CHCHD3: variants seen among roughly 807,000 people sequenced by gnomAD.
The protein encoded by CHCHD3 is coiled-coil-helix-coiled-coil-helix domain containing 3, also known as MICOS complex subunit MIC19.
In CHCHD3, 20 loss-of-function variants were observed where a neutral mutation model predicts 38.2. The ratio of observed to expected loss-of-function variants is 0.52; its 90% CI spans 0.37 to 0.76. The LOEUF (loss-of-function observed/expected upper bound fraction) is 0.76, where lower values mean the gene tolerates loss of function less well. Among genes scored for constraint, CHCHD3 ranks in the 30% least tolerant of loss-of-function variants. CHCHD3 has a pLI of 0.00. For missense variants in CHCHD3, 245 were observed against 279.2 expected (o/e 0.88, Z 0.87); for synonymous variants, 82 against 100.0 (o/e 0.82, Z 1.07).
chr7:132,995,700 C>A (rs1213463351), intron 3 of CHCHD3, among the ~76,000 whole-genome samples: 1 of 152,188 alleles, frequency 6.6e-6, no homozygotes, highest in African/African-American at 2.4e-5. Context: ...AAGGTGTCTA[C>A]AATAACATAC....
At chr7:132,961,670 A>G (rs977056001) in intron 4 of CHCHD3, among the ~76,000 whole-genome samples, 6 of 152,250 alleles carry the variant, frequency 3.9e-5, no homozygotes, top group African/African-American at 1.4e-4. Flanking sequence ...TATACAATAG[A>G]GTATTATTAA....
intron 5 of CHCHD3, among the ~76,000 whole-genome samples, chr7:132,863,143 C>T (rs952717250): frequency 6.6e-6 from 1 of 152,172 alleles, no homozygotes; most frequent in Non-Finnish European, 1.5e-5. Flanking sequence ...TTTCCCAGAT[C>T]ATTCAAGAGA....
At chr7:133,028,237 C>A (rs1339847422) in intron 2 of CHCHD3, among the ~76,000 whole-genome samples, 1 of 152,190 alleles carries the variant, frequency 6.6e-6, no homozygotes, top group African/African-American at 2.4e-5. Context: ...CAGCAAGATA[C>A]TTCTCAGGCA....
intron 4 of CHCHD3, among the ~76,000 whole-genome samples, chr7:132,911,984 C>T (rs1300019213): frequency 6.6e-6 from 1 of 152,160 alleles, no homozygotes; most frequent in Non-Finnish European, 1.5e-5. Context: ...TCTTTAGGTT[C>T]CCTTACCTTT....
At chr7:133,073,714 C>T (rs571079024) in intron 1 of CHCHD3, among the ~76,000 whole-genome samples, 11 of 152,160 alleles carry the variant, frequency 7.2e-5, no homozygotes, top group Non-Finnish European at 1.5e-4. Context: ...ATTCCTGTAC[C>T]ATCCGCTTAA....
chr7:132,927,587 T>C (rs1710176814), intron 4 of CHCHD3, among the ~76,000 whole-genome samples: 1 of 152,230 alleles, frequency 6.6e-6, no homozygotes, highest in Non-Finnish European at 1.5e-5. Flanking sequence ...CTAAAGCATG[T>C]GTTATTTTTC....
chr7:132,916,835 C>G (rs932211029), intron 4 of CHCHD3, among the ~76,000 whole-genome samples: 1 of 152,164 alleles, frequency 6.6e-6, no homozygotes, highest in Non-Finnish European at 1.5e-5. Context: ...CCCACCTCAG[C>G]CTCCCAAAGT....
At chr7:132,808,413 T>C (rs1375554413) in intron 6 of CHCHD3, among the ~76,000 whole-genome samples, 2 of 152,240 alleles carry the variant, frequency 1.3e-5, no homozygotes, top group African/African-American at 2.4e-5. Flanking sequence ...TTTCTTTCTT[T>C]AGAGGTACTC....
At chr7:132,947,859 C>G (rs905777012) in intron 4 of CHCHD3, among the ~76,000 whole-genome samples, 1 of 151,792 alleles carries the variant, frequency 6.6e-6, no homozygotes, top group African/African-American at 2.4e-5. Context: ...ATTTGATTTC[C>G]TCCTATGTTG....
At chr7:132,923,373 C>T (rs558523445) in intron 4 of CHCHD3, among the ~76,000 whole-genome samples, 2 of 152,216 alleles carry the variant, frequency 1.3e-5, no homozygotes, top group South Asian at 4.1e-4. Flanking sequence ...CTGGACACTT[C>T]AAACTCGCCT....
chr7:133,067,787 C>CA (rs1249449724), intron 2 of CHCHD3, among the ~76,000 whole-genome samples: 4 of 152,074 alleles, frequency 2.6e-5, no homozygotes, highest in Non-Finnish European at 2.9e-5. Context: ...GTTTATCTGT[C>CA]AAAAAAAACT....
At chr7:133,011,421 A>C (rs1812869984) in intron 3 of CHCHD3, among the ~76,000 whole-genome samples, 1 of 152,252 alleles carries the variant, frequency 6.6e-6, no homozygotes, top group East Asian at 1.9e-4. Flanking sequence ...GTAATGGCTT[A>C]CACCAGGGTT....
chr7:132,821,978 G>T (rs953715926), intron 6 of CHCHD3, among the ~76,000 whole-genome samples: 2 of 151,924 alleles, frequency 1.3e-5, no homozygotes, highest in African/African-American at 4.8e-5. Context: ...TAGCCAGGAT[G>T]GTCTCGATCT....
intron 7 of CHCHD3, among the ~76,000 whole-genome samples, chr7:132,795,584 ATAT>A (rs1309300065): frequency 6.6e-6 from 1 of 152,220 alleles, no homozygotes; most frequent in African/African-American, 2.4e-5. Flanking sequence ...ACACCAAGTG[ATAT>A]TATTATAACT....
chr7:133,035,275 A>C lies in CHCHD3; in HGVS notation c.170-10648T>G, dbSNP rs1392588414. On this transcript the variant is annotated intron_variant, in intron 2 of 7. Coordinates refer to ENST00000262570, the MANE Select transcript of CHCHD3 (RefSeq NM_017812.4). This position sits in a 1 kb window ranked among gnomAD's most constrained non-coding sequence, Gnocchi z 4.7. ...GTCTCTGCAAACTTTTTAGCATCAA[A>C]CTGGGCCATCTTCTCACACAGTTTC... 1.5e-5 allele frequency: 25 copies of C among 1,613,062 alleles called. No individual in the cohort carries two copies. In the East Asian group the frequency reaches 5.6e-4, roughly 36 times the overall value.
At chr7:132,863,406 C>T (rs1808541595) in intron 5 of CHCHD3, among the ~76,000 whole-genome samples, 1 of 152,126 alleles carries the variant, frequency 6.6e-6, no homozygotes, top group Admixed American at 6.5e-5. Context: ...ATTCAGTAAA[C>T]CAGGCTGTAA....
At chr7:132,834,981 T>C (rs1284489132) in intron 6 of CHCHD3, among the ~76,000 whole-genome samples, 2 of 135,658 alleles carry the variant, frequency 1.5e-5, no homozygotes, top group East Asian at 4.8e-4. Flanking sequence ...TATTTATTTA[T>C]TTATTTAGAG....
chr7:132,963,694 T>TACACACACAC (rs71178068), intron 4 of CHCHD3, among the ~76,000 whole-genome samples: 6,193 of 148,850 alleles, frequency 0.042, 289 homozygotes, highest in African/African-American at 0.11. Flanking sequence ...CAAACGATTA[T>TACACACACAC]ACACACACAC....
chr7:132,952,610 C>A (rs774626099), intron 4 of CHCHD3, among the ~76,000 whole-genome samples: 5 of 152,196 alleles, frequency 3.3e-5, no homozygotes, highest in Non-Finnish European at 5.9e-5. Flanking sequence ...GAGAGATGAG[C>A]AGTTCACTTT....
Sources: allele counts gnomAD v4.1 joint callset (sites outside exome capture counted in the v4.1 genomes callset), GRCh38; gene constraint gnomAD v4.1.1; non-coding constraint Gnocchi (gnomAD v3.1); transcripts MANE v1.5; gene names NCBI Gene and HGNC (gene_info 2026-07-23, HGNC 2026-07-21).